MUC5AC: variants seen among roughly 807,000 people sequenced by gnomAD.
The protein encoded by MUC5AC is mucin-5AC.
Under a neutral mutation model 169.7 loss-of-function variants are expected in MUC5AC, and 158 were observed. The ratio of observed to expected loss-of-function variants is 0.93; its 90% CI spans 0.82 to 1.06. The LOEUF (loss-of-function observed/expected upper bound fraction) is 1.06. Ranked by LOEUF, MUC5AC falls within the 50% of genes least tolerant of loss-of-function variation. The probability of loss-of-function intolerance (pLI) is 0.00; values close to 1 mark genes in which losing one functional copy is unlikely to be tolerated. For missense variants in MUC5AC, 4,359 were observed against 3,089.9 expected, an observed-to-expected ratio of 1.41 and a Z score of -9.74; for synonymous variants, 1,975 against 1,237.0, an observed-to-expected ratio of 1.60 and a Z score of -12.52.
At chr11:1,197,362 C>A in intron 40 of MUC5AC, 106 bp from the exon 41 acceptor site, 2 of 655,284 alleles carry the variant, frequency 3.1e-6, no homozygotes, top group South Asian at 1.7e-5. Context: ...GTGCAGGCCA[C>A]ACGGCCTCCA....
chr11:1,171,533 C>T (rs1318421417), intron 15 of MUC5AC, among the ~76,000 whole-genome samples: 5 of 83,376 alleles, frequency 6.0e-5, no homozygotes, highest in Admixed American at 1.2e-4. Flanking sequence ...ACCCACTCAC[C>T]CACTCACTCA....
intron 33 of MUC5AC, 42 bp downstream of exon 33, chr11:1,193,701 C>A (rs1188056686): frequency 1.3e-6 from 1 of 752,060 alleles, no homozygotes; most frequent in African/African-American, 1.7e-5. Context: ...GCCGGGGCAG[C>A]CACTCCCCAC....
rs554248382 is a variant in MUC5AC, at chr11:1,165,632, G to A, written c.1258G>A (p.Gly420Arg). The A allele has an allele frequency of 4.2e-5, 67 of 1,612,080 alleles. No individual in the cohort carries two copies. The highest frequency in any genetic ancestry group is 1.3e-4 in the East Asian group (6 of 44,884). Residue 420 changes from glycine (G) to arginine (R), a missense_variant, in exon 11 of 49, where the codon GGA becomes AGA. Coordinates refer to ENST00000621226, the MANE Select transcript of MUC5AC (RefSeq NM_001304359.2). ...ATCTCTTGCTCTCAGCACCTGCTCC[G>A]GAGGCCGGTGGAGCTGCCAGGAGGT... Reference protein sequence around the residue: ...STDCTNCTCSGGRWSCQEVPC... With the variant: ...STDCTNCTCSRGRWSCQEVPC...
In MUC5AC at chr11:1,188,536, C is replaced by G. The variant is rs1282341864; in HGVS notation, c.10391C>G (p.Ser3464Cys). 1.1e-4 allele frequency: 84 copies of G among 745,654 alleles called. No homozygotes were observed. Among genetic ancestry groups the G allele is most frequent in the South Asian group, 4.7e-4 (34 of 72,064 alleles). 46.2% of individuals were successfully genotyped at this position (745,654 alleles called of 1,614,324 possible). A position where few individuals can be genotyped will look rare whatever the true frequency, so the allele number is the denominator to read the frequency against. Residue 3464 changes from serine to cysteine, a missense_variant, in exon 31 of 49, where the codon TCC (serine) becomes TGC (cysteine). Coordinates refer to ENST00000621226, the MANE Select transcript of MUC5AC (RefSeq NM_001304359.2). ...TCTGCCCCTACAAGCAGCACAACCT[C>G]CACTCCACAGACCAGCAAAACCTCA... is the stretch of plus-strand genomic sequence containing the variant. ...TTSAPTSSTT[S>C]TPQTSKTSAA...
chr11:1,172,939 C>T (rs1860582041), intron 16 of MUC5AC, among the ~76,000 whole-genome samples: 2 of 151,120 alleles, frequency 1.3e-5, no homozygotes, highest in East Asian at 2.0e-4. Flanking sequence ...CCCATTCTCT[C>T]ACTCGCCCAC....
rs1036865179 is a variant in MUC5AC at position 1,175,114 on chromosome 11, G to A, written c.2325G>A (p.Ser775=). Residue 775 remains serine, a synonymous_variant, in exon 18 of 49, where the codon TCG becomes TCA. Coordinates refer to ENST00000621226, the MANE Select transcript of MUC5AC (RefSeq NM_001304359.2). Reference sequence around the variant, plus strand: ...GCTCCATGATCCCCAATGGGGAGTCGGTGCACGACAGCGGGGCTATCTGGT... The same window carrying A: ...GCTCCATGATCCCCAATGGGGAGTCAGTGCACGACAGCGGGGCTATCTGGT... The part of the protein sequence containing the change: ...HRGSMIPNGE[S]VHDSGAICTC... 2.8e-4 allele frequency: 111 copies of A among 399,006 alleles called. No individual in the cohort carries two copies. Among genetic ancestry groups the A allele is most frequent in the Admixed American group, 5.7e-4 (13 of 22,750 alleles). The allele number at this position is 399,006 out of a possible 1,614,324, so 24.7% of individuals were successfully genotyped here. A position where few individuals can be genotyped will look rare whatever the true frequency, so the allele number is the denominator to read the frequency against.
chr11:1,179,066 G>T, intron 25 of MUC5AC, 26 bp from the exon 26 acceptor site: 1 of 498,098 alleles, frequency 2.0e-6, no homozygotes, highest in African/African-American at 1.9e-5. Flanking sequence ...GGGGGTCCCT[G>T]GAACCTGAAG....
In MUC5AC at chr11:1,168,893, C is replaced by G; in HGVS notation, c.1737C>G (p.Ala579=). The stretch of plus-strand genomic sequence containing the variant: ...GTGGGAACTTCAACAGCATCCAGGC[C>G]GATGACTTCCGGACCCTCAGTGGGG... ...GLCGNFNSIQ[A]DDFRTLSGVV... Residue 579 remains alanine (A), a synonymous_variant, in exon 15 of 49, where the codon GCC becomes GCG. Transcript: ENST00000621226. The G allele has an allele frequency of 6.2e-7, 1 of 1,606,854 alleles. No individual in the cohort carries two copies. Among genetic ancestry groups the G allele is most frequent in the Non-Finnish European group, 8.5e-7 (1 of 1,176,380 alleles).
rs1039412498 is a variant in MUC5AC at position 1,200,444 on chromosome 11, G to A, written c.16707G>A (p.Ser5569=). 1.1e-5 allele frequency: 8 copies of A among 701,136 alleles called. No individual in the cohort carries two copies. Among genetic ancestry groups the A allele is most frequent in the African/African-American group, 3.5e-5 (2 of 57,378 alleles). 43.4% of individuals were successfully genotyped at this position (701,136 alleles called of 1,614,324 possible). Residue 5569 remains serine, a synonymous_variant, in exon 49 of 49, where the codon TCG becomes TCA. Transcript: ENST00000621226. Reference sequence around the variant, plus strand: ...GAGCAGCCCCTGCCCACAGGTACTCGCTCGAGGGCAACACGGTGGAGCACA... The same window carrying A: ...GAGCAGCCCCTGCCCACAGGTACTCACTCGAGGGCAACACGGTGGAGCACA... ...GNCGDSSSMY[S]LEGNTVEHRC...
chr11:1,168,610 C>T, intron 13 of MUC5AC, 32 bp from the exon 14 acceptor site: 1 of 1,612,044 alleles, frequency 6.2e-7, no homozygotes. Flanking sequence ...CCCCACAGCC[C>T]CCAGCAAAAC....
chr11:1,168,344 C>A, intron 12 of MUC5AC, 139 bp from the exon 13 acceptor site: 2 of 786,058 alleles, frequency 2.5e-6, no homozygotes, highest in Non-Finnish European at 4.2e-6. Flanking sequence ...GAAAATCAGG[C>A]GAGCACAAGG....
intron 11 of MUC5AC, among the ~76,000 whole-genome samples, chr11:1,167,267 ACT>A (rs1860361404): frequency 7.7e-6 from 1 of 130,352 alleles, no homozygotes; most frequent in African/African-American, 3.0e-5. Flanking sequence ...CCCAGATGAG[ACT>A]CTGCACCCAA....
Position 1,182,423 on chromosome 11 carries a change from G to C in MUC5AC, c.4278G>C (p.Ser1426=), listed in dbSNP as rs1402464471. The C allele has an allele frequency of 2.5e-6, 1 of 398,506 alleles. No homozygotes were observed. Among genetic ancestry groups the C allele is most frequent in the African/African-American group, 2.1e-5 (1 of 48,628 alleles). The allele number at this position is 398,506 out of a possible 1,614,324, so 24.7% of individuals were successfully genotyped here. A position where few individuals can be genotyped will look rare whatever the true frequency, so the allele number is the denominator to read the frequency against. Residue 1426 remains serine (S), a synonymous_variant, in exon 31 of 49, where the codon TCG becomes TCC. Transcript: ENST00000621226. ...ACCGGGTGTGCGAATCACCCAGGTC[G>C]GTGGAGTGCCGAGCTGAGGACGCCC... The part of the protein sequence containing the change: ...HGYRVCESPR[S]VECRAEDAPG...
Position 1,157,990 on chromosome 11 carries a change from C to T in MUC5AC, c.-10C>T, listed in dbSNP as rs1476980817. 25 of 1,585,282 alleles carry T rather than the reference C, an allele frequency of 1.6e-5. No individual in the cohort carries two copies. The highest frequency in any genetic ancestry group is 1.9e-5 in the Non-Finnish European group (22 of 1,166,708). ...TGAGGGACAGGGCACTCTTCCCCGCCGTCCACACAATGAGTGTTGGCCGGA... is the reference window on the plus strand; with the variant it reads ...TGAGGGACAGGGCACTCTTCCCCGCTGTCCACACAATGAGTGTTGGCCGGA... On this transcript the variant is annotated 5_prime_UTR_variant, in exon 1 of 49. Transcript: ENST00000621226.
intron 11 of MUC5AC, among the ~76,000 whole-genome samples, chr11:1,167,190 C>A (rs1288967080): frequency 5.7e-5 from 7 of 122,728 alleles, no homozygotes; most frequent in Admixed American, 8.6e-5. Context: ...AGTCTCTGCA[C>A]GATGAGACCC....
chr11:1,160,470 GCA>G (rs1860106913), intron 1 of MUC5AC, 140 bp from the exon 2 acceptor site: 1 of 673,574 alleles, frequency 1.5e-6, no homozygotes, highest in African/African-American at 1.8e-5. Context: ...CCCCAACCCA[GCA>G]CAGAGAGAGC....
In MUC5AC at chr11:1,174,883, G is replaced by A. The variant is rs897903400; in HGVS notation, c.2094G>A (p.Thr698=). 2.2e-4 allele frequency: 94 copies of A among 420,710 alleles called. No individual in the cohort carries two copies. Among genetic ancestry groups the A allele is most frequent in the African/African-American group, 4.7e-4 (23 of 48,988 alleles). 26.1% of individuals were successfully genotyped at this position (420,710 alleles called of 1,614,324 possible). ...TCCCCTCTTCCTGGCATCCCGCAGC[G>A]AAGCCTATGACCACTTGCCCCAAGT... The part of the protein sequence containing the change: ...QLGGWRDGVC[T]KPMTTCPKSM... The change falls in exon 18 of 49, where the codon ACG becomes ACA. Residue 698 remains threonine, a splice_region_variant and synonymous_variant. Coordinates refer to ENST00000621226, the MANE Select transcript of MUC5AC (RefSeq NM_001304359.2).
At chr11:1,179,484 C>CGG (rs1860761705) in intron 26 of MUC5AC, among the ~76,000 whole-genome samples, 1 of 144,630 alleles carries the variant, frequency 6.9e-6, no homozygotes, top group South Asian at 2.2e-4. Context: ...GCGTGGCTGA[C>CGG]AGAGGGGTCG....
At position 1,178,703 on chromosome 11, in the gene MUC5AC, T is replaced by C; in HGVS notation, c.3327+20T>C. ...GCACACGTATGCTGGCCGGGGGGCGTTTCTCTGGGCCCAAGGGGGTCATGG... is the reference window on the plus strand; with the variant it reads ...GCACACGTATGCTGGCCGGGGGGCGCTTCTCTGGGCCCAAGGGGGTCATGG... On this transcript the variant is annotated intron_variant, in intron 25 of 48. Transcript: ENST00000621226. 8.2e-7 allele frequency: 1 copy of C among 1,219,870 alleles called. No individual in the cohort carries two copies. Among genetic ancestry groups the C allele is most frequent in the Non-Finnish European group, 1.0e-6 (1 of 956,318 alleles). The allele number at this position is 1,219,870 out of a possible 1,614,324, so 75.6% of individuals were successfully genotyped here. A position where few individuals can be genotyped will look rare whatever the true frequency, so the allele number is the denominator to read the frequency against.
Sources: gnomAD v4.1 joint callset for allele counts (sites outside exome capture counted in the v4.1 genomes callset) on GRCh38, gnomAD v4.1.1 for gene constraint, MANE v1.5 for transcripts, NCBI Gene and HGNC (gene_info 2026-07-23, HGNC 2026-07-21) for gene names.